The following AMOT variants were observed in gnomAD, a reference collection of about 807,000 sequenced individuals.
The protein encoded by AMOT is angiomotin.
AMOT carries 11 observed loss-of-function variants against 67.0 expected under a neutral mutation model. The observed-to-expected ratio is 0.16, with a 90% CI of 0.10 to 0.27. The LOEUF (loss-of-function observed/expected upper bound fraction) is 0.27, where lower values mean the gene tolerates loss of function less well. AMOT is among the 10% of genes least tolerant of loss of function. AMOT has a pLI of 1.00. For synonymous variants in AMOT, 326 were observed against 321.4 expected (o/e 1.01, Z -0.15); for missense variants, 753 against 852.0 (o/e 0.88, Z 1.45).
rs929470715 is a variant in AMOT at position 112,809,796 on chromosome X, C to G, written c.1630+98G>C. The G allele has an allele frequency of 2.4e-5, 17 of 695,785 alleles. No homozygotes were observed. In the Admixed American group the frequency reaches 3.3e-4, roughly 14 times the overall value. The allele number at this position is 695,785 out of a possible 1,213,427, so 57.3% of individuals were successfully genotyped here. ...ATCCTTAGGTGATATTGACTCTGCC[C>G]TGGCTGTTCTAAAAGGCTAAAGAGA... On this transcript the variant is annotated intron_variant, in intron 7 of 13. Transcript: ENST00000371959.
rs767571604 is a variant in AMOT, at chrX:112,823,090, T to C, written c.37A>G (p.Thr13Ala). 4 of 1,162,708 alleles carry C rather than the reference T, an allele frequency of 3.4e-6. No individual in the cohort carries two copies. In the South Asian group the frequency reaches 5.8e-5, roughly 17 times the overall value. The change falls in exon 4 of 14, where the codon ACG (threonine) becomes GCG (alanine). Residue 13 changes from threonine (T) to alanine (A), a missense_variant. Physicochemically the swap from Thr to Ala is moderately conservative, Grantham distance 58. Coordinates refer to ENST00000371959, the MANE Select transcript of AMOT (RefSeq NM_001113490.2). ...TCTTGTAGCAAACGCTGCAATACCGTGGTCCCTCCACTTGGCTGTTCTTCA... is the reference window on the plus strand; with the variant it reads ...TCTTGTAGCAAACGCTGCAATACCGCGGTCCCTCCACTTGGCTGTTCTTCA... ...NSEEQPSGGT[T>A]VLQRLLQEQL...
At chrX:112,820,357 T>A (rs1934681634) in intron 4 of AMOT, among the ~76,000 whole-genome samples, 1 of 110,659 alleles carries the variant, frequency 9.0e-6, no homozygotes, top group African/African-American at 3.3e-5. Context: ...TGTATCTTCC[T>A]GTAAAATACA....
At chrX:112,833,559 C>G (rs1032801406) in intron 1 of AMOT, among the ~76,000 whole-genome samples, 3 of 110,003 alleles carry the variant, frequency 2.7e-5, no homozygotes, top group African/African-American at 1.0e-4. Context: ...CCCCTACTCT[C>G]TCTCTCAGGC....
chrX:112,831,554 C>G (rs1934988812), intron 2 of AMOT, among the ~76,000 whole-genome samples: 1 of 110,338 alleles, frequency 9.1e-6, no homozygotes, highest in African/African-American at 3.3e-5. Context: ...AACGGGAAAA[C>G]AGAGGTATGA....
At chrX:112,820,191 A>T (rs1934676306) in intron 4 of AMOT, among the ~76,000 whole-genome samples, 1 of 112,044 alleles carries the variant, frequency 8.9e-6, no homozygotes, top group Admixed American at 9.4e-5. Context: ...AGCATTATCA[A>T]GCACTCTGCT....
At chrX:112,806,179 T>G (rs1659846548) in intron 7 of AMOT, among the ~76,000 whole-genome samples, 1 of 108,352 alleles carries the variant, frequency 9.2e-6, no homozygotes, top group Admixed American at 1.0e-4. Context: ...GGCAGGAGGC[T>G]GAGGCTGAAC....
Position 112,805,077 on chromosome X carries a change from C to G in AMOT, c.1646G>C (p.Arg549Pro). 1 of 1,211,564 alleles carries G rather than the reference C, an allele frequency of 8.3e-7. No individual in the cohort carries two copies. Among genetic ancestry groups the G allele is most frequent in the Non-Finnish European group, 1.1e-6 (1 of 895,486 alleles). Residue 549 changes from arginine (R) to proline (P), a missense_variant, in exon 8 of 14, where the codon CGT (arginine) becomes CCT (proline). Physicochemically the swap from Arg to Pro is moderately radical, Grantham distance 103. Transcript: ENST00000371959. ...QLFAKNKESQ[R>P]EKEKLEAELA... ...CTCCGCTTCCAGCTTCTCCTTCTCA[C>G]GCTGGCTTTCTTTATCTGTCAGGAC...
intron 2 of AMOT, among the ~76,000 whole-genome samples, chrX:112,829,676 A>T (rs1934938292): frequency 8.9e-6 from 1 of 112,426 alleles, no homozygotes; most frequent in Non-Finnish European, 1.9e-5. Context: ...CTTACTGAGG[A>T]TCAGTGTGAG....
Position 112,815,583 on chromosome X carries a change from A to T in AMOT, c.1167T>A (p.His389Gln). The stretch of plus-strand genomic sequence containing the variant: ...GCTGCTGCTGCTGTTGTTGGTGGTG[A>T]TGGTGATGATGGTGCTGCTGCTGCT... ...QQQQQQHHHHHHHQQQQQQQP... is the reference protein window; with the variant it reads ...QQQQQQHHHHQHHQQQQQQQP... Residue 389 changes from histidine (H) to glutamine (Q), a missense_variant, in exon 5 of 14, where the codon CAT (histidine) becomes CAA (glutamine). Physicochemically the swap from His to Gln is conservative, Grantham distance 24. Coordinates refer to ENST00000371959, the MANE Select transcript of AMOT (RefSeq NM_001113490.2). The T allele has an allele frequency of 8.3e-7, 1 of 1,208,937 alleles. No individual in the cohort carries two copies. The highest frequency in any genetic ancestry group is 1.1e-6 in the Non-Finnish European group (1 of 894,083).
At chrX:112,832,595 C>G (rs917737883) in intron 1 of AMOT, among the ~76,000 whole-genome samples, 1 of 111,874 alleles carries the variant, frequency 8.9e-6, no homozygotes, top group Non-Finnish European at 1.9e-5. Flanking sequence ...GAGGACAGTT[C>G]ACAAGAGAAA....
intron 5 of AMOT, 75 bp from the exon 6 acceptor site, chrX:112,811,468 A>T: frequency 2.7e-6 from 3 of 1,106,207 alleles, no homozygotes; most frequent in Non-Finnish European, 3.7e-6. Context: ...CAAACAGGCA[A>T]ATCCTCGCTG....
rs947115768 is a variant in AMOT, at chrX:112,812,531, C to T, written c.1393-1138G>A. Among the ~76,000 whole-genome samples, 5 of 111,711 alleles carry T rather than the reference C, an allele frequency of 4.5e-5. 1 individual carries two copies. The highest frequency in any genetic ancestry group is 1.9e-4 in the Admixed American group (2 of 10,534). On this transcript the variant is annotated intron_variant, in intron 5 of 13. Coordinates refer to ENST00000371959, the MANE Select transcript of AMOT (RefSeq NM_001113490.2). The stretch of plus-strand genomic sequence containing the variant: ...GAGAAAGGGTCTTCCCCTGAATCAG[C>T]CACAATCAGGCCGAAAATGAGAAAT...
intron 10 of AMOT, among the ~76,000 whole-genome samples, chrX:112,788,212 C>A (rs1036536254): frequency 1.8e-5 from 2 of 109,318 alleles, no homozygotes; most frequent in African/African-American, 6.7e-5. Flanking sequence ...TGGCATGAAC[C>A]CGGGAGGCGG....
rs997209768 is a variant in AMOT at position 112,783,647 on chromosome X, G to A, written c.2118-985C>T. ...AAGGACCATCATGTTCCATTTGAAA[G>A]TGTCTCAGGCCATTAACTCAAAGAC... On this transcript the variant is annotated intron_variant, in intron 10 of 13. Transcript: ENST00000371959. 3.6e-5 allele frequency among the ~76,000 whole-genome samples: 4 copies of A among 111,009 alleles called. No homozygotes were observed. The South Asian group carries it at 1.6e-3, about 44-fold the overall frequency.
chrX:112,790,884 T>C (rs1933549165), intron 9 of AMOT, 102 bp from the exon 10 acceptor site: 1 of 767,980 alleles, frequency 1.3e-6, no homozygotes, highest in South Asian at 5.0e-5. Flanking sequence ...TACTTCTGTT[T>C]CGACTCTGAT....
chrX:112,797,951 C>T lies in AMOT; in HGVS notation c.1777-5970G>A, dbSNP rs748466757. On this transcript the variant is annotated intron_variant, in intron 8 of 13. Coordinates refer to ENST00000371959, the MANE Select transcript of AMOT (RefSeq NM_001113490.2). ...GCAAACTCTTAAACTACTGCTAGCA[C>T]ACCCATTCAATTAGTGTTTATTAGG... is the stretch of plus-strand genomic sequence containing the variant. Among the ~76,000 whole-genome samples, 5 of 111,584 alleles carry T rather than the reference C, an allele frequency of 4.5e-5. No homozygotes were observed. The South Asian group carries it at 1.9e-3, about 43-fold the overall frequency.
intron 1 of AMOT, among the ~76,000 whole-genome samples, chrX:112,832,871 A>C (rs1456140932): frequency 9.0e-6 from 1 of 110,865 alleles, no homozygotes; most frequent in African/African-American, 3.3e-5. Context: ...AGGTGTATGG[A>C]CAGGAGCCAG....
At chrX:112,797,732 G>A (rs760616319) in intron 8 of AMOT, among the ~76,000 whole-genome samples, 152 of 110,590 alleles carry the variant, frequency 1.4e-3, no homozygotes, top group Non-Finnish European at 2.3e-3. Context: ...AGTGAGCCGC[G>A]ATCGCGCCAC....
intron 10 of AMOT, among the ~76,000 whole-genome samples, chrX:112,784,490 G>C (rs1469519341): frequency 8.9e-6 from 1 of 112,140 alleles, no homozygotes; most frequent in Non-Finnish European, 1.9e-5. Context: ...AGGAGGCTGA[G>C]GCAAAGGGAT....
Sources: gnomAD v4.1 joint callset for allele counts (sites outside exome capture counted in the v4.1 genomes callset) on GRCh38, gnomAD v4.1.1 for gene constraint, MANE v1.5 for transcripts, NCBI Gene and HGNC (gene_info 2026-07-23, HGNC 2026-07-21) for gene names.